Variants in MKS1 observed in about 807,000 individuals in gnomAD.
MKS1 encodes the protein MKS transition zone complex subunit 1, also known as tectonic-like complex member MKS1.
MKS1 carries 70 observed loss-of-function variants against 83.7 expected under a neutral mutation model. The ratio of observed to expected loss-of-function variants is 0.84; its 90% CI spans 0.69 to 1.02. MKS1 has a LOEUF of 1.02. Ranked by LOEUF, MKS1 falls within the 50% of genes least tolerant of loss-of-function variation. MKS1 has a pLI of 0.00. For missense variants in MKS1, 681 were observed against 726.9 expected (o/e 0.94, Z 0.73); for synonymous variants, 251 against 273.4 (o/e 0.92, Z 0.81).
Position 58,214,253 on chromosome 17 carries a change from A to T in MKS1, c.644+6T>A. The T allele has an allele frequency of 6.2e-7, 1 of 1,614,096 alleles. No individual in the cohort carries two copies. The highest frequency in any genetic ancestry group is 8.5e-7 in the Non-Finnish European group (1 of 1,179,988). ...CTCTAAGCTGGCAGTGAGAAGCGCC[A>T]CTCACTTTTTATAGGGCCCCAGGTC... On this transcript the variant is annotated splice_donor_region_variant and intron_variant, in intron 6 of 17. Coordinates refer to ENST00000393119, the MANE Select transcript of MKS1 (RefSeq NM_017777.4).
In MKS1 at chr17:58,206,338, A is replaced by T. The variant is rs1968504574; in HGVS notation, c.1533T>A (p.Ser511Arg). Reference sequence around the variant, plus strand: ...TGAACCCTTCCAGACGGTCCAACACACTCCGCATCCTTTTCTGAAGGGAGC... The same window carrying T: ...TGAACCCTTCCAGACGGTCCAACACTCTCCGCATCCTTTTCTGAAGGGAGC... ...ESSSLQKRMR[S>R]VLDRLEGFSQ... is the part of the protein sequence containing the mutation. Residue 511 changes from serine to arginine, a missense_variant, in exon 17 of 18, where the codon AGT (serine) becomes AGA (arginine). Physicochemically the swap from Ser to Arg is moderately radical, Grantham distance 110. Coordinates refer to ENST00000393119, the MANE Select transcript of MKS1 (RefSeq NM_017777.4). 1 of 1,613,514 alleles carries T rather than the reference A, an allele frequency of 6.2e-7. No individual in the cohort carries two copies. The highest frequency in any genetic ancestry group is 8.5e-7 in the Non-Finnish European group (1 of 1,179,910).
chr17:58,210,916 TA>T, intron 10 of MKS1, 63 bp downstream of exon 10: 2 of 1,557,722 alleles, frequency 1.3e-6, no homozygotes, highest in South Asian at 2.2e-5. Context: ...TGGAGGAGAC[TA>T]TTCACAGCTC....
intron 2 of MKS1, 126 bp downstream of exon 2, chr17:58,218,494 T>C (rs946268271): frequency 4.3e-5 from 19 of 438,912 alleles, no homozygotes; most frequent in Admixed American, 1.3e-4. Flanking sequence ...ACAAATAGAA[T>C]GTAGGTTGCC....
At position 58,206,373 on chromosome 17, in the gene MKS1, TG is replaced by T. The variant is rs780161503; in HGVS notation, c.1497del (p.Phe499LeufsTer31). On this transcript the variant is annotated frameshift_variant, in exon 17 of 18. Coordinates refer to ENST00000393119, the MANE Select transcript of MKS1 (RefSeq NM_017777.4). LOFTEE classifies it high-confidence loss of function. Reference sequence around the variant, plus strand: ...CTTTTCTGAAGGGAGCTCGATTCCATGAAGGCCCTGCAGGGAGGCCAGCCAC... The same window carrying T: ...CTTTTCTGAAGGGAGCTCGATTCCATAAGGCCCTGCAGGGAGGCCAGCCAC... Reference protein sequence around the residue: ...RLHCLQQSRAFMESSSLQKRM... With the variant: ...RLHCLQQSRAXMESSSLQKRM... The T allele has an allele frequency of 2.5e-5, 41 of 1,613,940 alleles. No individual in the cohort carries two copies. The highest frequency in any genetic ancestry group is 3.2e-5 in the Non-Finnish European group (38 of 1,179,986).
chr17:58,211,816 T>C lies in MKS1; in HGVS notation c.915+562A>G, dbSNP rs111786708. Among the ~76,000 whole-genome samples the C allele has an allele frequency of 4.0e-3, 597 of 150,638 alleles. 5 individuals are homozygous for C. Among genetic ancestry groups the C allele is most frequent in the African/African-American group, 0.014 (561 of 40,934 alleles). On this transcript the variant is annotated intron_variant, in intron 9 of 17. Coordinates refer to ENST00000393119, the MANE Select transcript of MKS1 (RefSeq NM_017777.4). The stretch of plus-strand genomic sequence containing the variant: ...CCTGGCTTCAAGTGATCCTCCCACC[T>C]TGGCCTCACAAAGTGCTGGGATTAT...
intron 9 of MKS1, 173 bp from the exon 10 acceptor site, chr17:58,211,195 C>A (rs1429453931): frequency 4.7e-6 from 3 of 643,870 alleles, no homozygotes; most frequent in Non-Finnish European, 8.3e-6. Flanking sequence ...TTCCTTCATT[C>A]CTAAGATTCA....
Position 58,207,923 on chromosome 17 carries a change from T to A in MKS1, c.1244A>T (p.Tyr415Phe). The A allele has an allele frequency of 1.2e-6, 2 of 1,613,960 alleles. No homozygotes were observed. Among genetic ancestry groups the A allele is most frequent in the Non-Finnish European group, 1.7e-6 (2 of 1,179,968 alleles). The change falls in exon 14 of 18, where the codon TAT (tyrosine) becomes TTT (phenylalanine). Residue 415 changes from tyrosine to phenylalanine, a missense_variant. By Grantham distance (22) the Tyr-to-Phe change is conservative. Around this residue, in one of 3 missense-constraint regions of MKS1, gnomAD observed 310 missense variants for 321.7 expected, o/e 0.96. Coordinates refer to ENST00000393119, the MANE Select transcript of MKS1 (RefSeq NM_017777.4). The part of the protein sequence containing the change: ...DFWQRYRVEG[Y>F]GAVVLPATPG... ...AGTGGCAGGCAGCACCACAGCCCCATAGCCTTCCACACGGTACCTCTGCCA... is the reference window on the plus strand; with the variant it reads ...AGTGGCAGGCAGCACCACAGCCCCAAAGCCTTCCACACGGTACCTCTGCCA...
At chr17:58,214,426 C>A (rs1050180456) in intron 5 of MKS1, 39 bp from the exon 6 acceptor site, 7 of 1,612,108 alleles carry the variant, frequency 4.3e-6, no homozygotes, top group Non-Finnish European at 5.1e-6. Flanking sequence ...CCTGGCACAC[C>A]CCAATGGAGC....
chr17:58,219,215 A>C lies in MKS1; in HGVS notation c.16T>G (p.Trp6Gly). Residue 6 changes from tryptophan to glycine, a missense_variant, in exon 1 of 18, where the codon TGG becomes GGG. Trp to Gly is a radical substitution (Grantham distance 184, BLOSUM62 -2). Transcript: ENST00000393119. MAETV[W>G]STDTGEAVYR... ...ACTGCCTCCCCGGTGTCAGTGCTCC[A>C]GACGGTCTCCGCCATGACAGCTGCG... 1 of 1,551,056 alleles carries C rather than the reference A, an allele frequency of 6.4e-7. No homozygotes were observed. The highest frequency in any genetic ancestry group is 8.7e-7 in the Non-Finnish European group (1 of 1,146,974).
At chr17:58,206,402 G>A (rs747438198) in intron 16 of MKS1, 22 bp from the exon 17 acceptor site, 1 of 1,614,002 alleles carries the variant, frequency 6.2e-7, no homozygotes, top group East Asian at 2.2e-5. Context: ...CCAGCCACAT[G>A]GTTACGGCTG....
chr17:58,212,244 T>C, intron 9 of MKS1, 134 bp downstream of exon 9: 1 of 1,026,928 alleles, frequency 9.7e-7, no homozygotes, highest in Admixed American at 1.7e-5. Flanking sequence ...GGACTATATG[T>C]GCTATTCTTT....
rs2143844012 is a variant in MKS1 at position 58,219,240 on chromosome 17, G to A, written c.-10C>T. ...AGACGGTCTCCGCCATGACAGCTGCGACGCGCCGCGACTGCGCCGGAAAGC... is the reference window on the plus strand; with the variant it reads ...AGACGGTCTCCGCCATGACAGCTGCAACGCGCCGCGACTGCGCCGGAAAGC... On this transcript the variant is annotated 5_prime_UTR_variant, in exon 1 of 18. Transcript: ENST00000393119. 1.9e-6 allele frequency: 3 copies of A among 1,550,036 alleles called. No homozygotes were observed. The highest frequency in any genetic ancestry group is 1.4e-5 in the African/African-American group (1 of 73,176).
At position 58,210,690 on chromosome 17, in the gene MKS1, G is replaced by A. The variant is rs552668070; in HGVS notation, c.993C>T (p.Tyr331=). 1.4e-5 allele frequency: 22 copies of A among 1,614,138 alleles called. No homozygotes were observed. In the South Asian group the frequency reaches 2.0e-4, roughly 14 times the overall value. The change falls in exon 11 of 18, where the codon TAC becomes TAT. Residue 331 remains tyrosine, a synonymous_variant. Transcript: ENST00000393119. ...SAQGYEYDNL[Y]VHFFVELPTA... is the part of the protein sequence containing the mutation. ...TTGGCAATTCTACAAAGAAGTGGACGTAGAGATTGTCATACTCATAGCCTT... is the reference window on the plus strand; with the variant it reads ...TTGGCAATTCTACAAAGAAGTGGACATAGAGATTGTCATACTCATAGCCTT...
rs1354390485 is a variant in MKS1, at chr17:58,206,536, C to T, written c.1419G>A (p.Leu473=). The change falls in exon 16 of 18, where the codon CTG becomes CTA. Residue 473 remains leucine (L), a synonymous_variant. Coordinates refer to ENST00000393119, the MANE Select transcript of MKS1 (RefSeq NM_017777.4). ...RIPGSFKGER[L]SRFGLRTETT... ...TCTCTGTGCGGAGTCCAAAGCGGCT[C>T]AGGCGTTCCCCCTGTGGCATGCCAT... 1 of 1,613,020 alleles carries T rather than the reference C, an allele frequency of 6.2e-7. No individual in the cohort carries two copies. The highest frequency in any genetic ancestry group is 8.5e-7 in the Non-Finnish European group (1 of 1,179,996).
chr17:58,213,207 G>A, intron 7 of MKS1, 117 bp from the exon 8 acceptor site: 1 of 963,948 alleles, frequency 1.0e-6, no homozygotes. Context: ...AGTATATGAT[G>A]ATAAAAGTGG....
At chr17:58,213,289 T>C (rs1451477946) in intron 7 of MKS1, among the ~76,000 whole-genome samples, 199 bp from the exon 8 acceptor site, 1 of 152,160 alleles carries the variant, frequency 6.6e-6, no homozygotes. Context: ...TCAGAAAGTA[T>C]AGGTTCTGGG....
At position 58,205,566 on chromosome 17, in the gene MKS1, T is replaced by C. The variant is rs1286332706; in HGVS notation, c.*513A>G. ...CCTTCAGCCTTCACTTACTCAGAAA[T>C]AACTCATATCTCAACCTCAGCAAGC... On this transcript the variant is annotated 3_prime_UTR_variant, in exon 18 of 18. Coordinates refer to ENST00000393119, the MANE Select transcript of MKS1 (RefSeq NM_017777.4). 1 of 1,304,662 alleles carries C rather than the reference T, an allele frequency of 7.7e-7. No homozygotes were observed. Among genetic ancestry groups the C allele is most frequent in the Non-Finnish European group, 1.0e-6 (1 of 989,372 alleles). The allele number at this position is 1,304,662 out of a possible 1,614,324, so 80.8% of individuals were successfully genotyped here. A position where few individuals can be genotyped will look rare whatever the true frequency, so the allele number is the denominator to read the frequency against.
intron 7 of MKS1, 95 bp downstream of exon 7, chr17:58,213,670 T>G: frequency 1.1e-6 from 1 of 928,238 alleles, no homozygotes; most frequent in South Asian, 1.3e-5. Context: ...TTAGAACAGA[T>G]GAAGGACTTT....
At chr17:58,212,947 C>T (rs1968958599) in intron 8 of MKS1, 35 bp downstream of exon 8, 3 of 1,599,398 alleles carry the variant, frequency 1.9e-6, no homozygotes, top group Non-Finnish European at 2.6e-6. Context: ...CACTGAGGCT[C>T]ATCCCTTGGA....
Sources: allele counts gnomAD v4.1 joint callset (sites outside exome capture counted in the v4.1 genomes callset), GRCh38; gene constraint gnomAD v4.1.1; regional missense constraint gnomAD v4.1.1; transcripts MANE v1.5; gene names NCBI Gene and HGNC (gene_info 2026-07-23, HGNC 2026-07-21).